The following TCERG1L variants were observed in gnomAD, a reference collection of about 807,000 sequenced individuals.
TCERG1L encodes transcription elongation regulator 1 like, also known as transcription elongation regulator 1-like protein.
TCERG1L carries 37 observed loss-of-function variants against 56.3 expected under a neutral mutation model. That is an observed-to-expected ratio of 0.66 (90% confidence interval 0.51 to 0.87). The LOEUF is 0.87. Ranked by LOEUF, TCERG1L falls within the 40% of genes least tolerant of loss-of-function variation. The probability of loss-of-function intolerance (pLI) is 0.00; values close to 1 mark genes in which losing one functional copy is unlikely to be tolerated. For synonymous variants in TCERG1L, 324 were observed against 326.3 expected, an observed-to-expected ratio of 0.99 and a Z score of 0.08; for missense variants, 799 against 774.2, an observed-to-expected ratio of 1.03 and a Z score of -0.38.
intron 8 of TCERG1L, among the ~76,000 whole-genome samples, chr10:131,124,817 C>G (rs1294691039): frequency 6.6e-6 from 1 of 152,244 alleles, no homozygotes; most frequent in African/African-American, 2.4e-5. Context: ...AGCTCGGAAC[C>G]TGGGCTTTCC....
Position 131,260,405 on chromosome 10 carries a change from G to A in TCERG1L, c.710C>T (p.Ala237Val). 1 of 1,471,268 alleles carries A rather than the reference G, an allele frequency of 6.8e-7. No individual in the cohort carries two copies. The highest frequency in any genetic ancestry group is 8.9e-7 in the Non-Finnish European group (1 of 1,120,108). 91.1% of individuals were successfully genotyped at this position (1,471,268 alleles called of 1,614,324 possible). ...HNSLKVTSSPAIAIATAAAAA... is the reference protein window; with the variant it reads ...HNSLKVTSSPVIAIATAAAAA... ...GGCGGCGGCGGTGGCGATGGCAATG[G>A]CGGGGCTGCTGGTCACCTTAAGGCT... The change falls in exon 4 of 12, where the codon GCC becomes GTC. Residue 237 changes from alanine to valine, a missense_variant. Transcript: ENST00000368642. This position sits in a 1 kb window ranked among gnomAD's most constrained non-coding sequence, Gnocchi z 5.8.
intron 9 of TCERG1L, among the ~76,000 whole-genome samples, chr10:131,105,293 G>A (rs1212507611): frequency 5.3e-5 from 8 of 152,148 alleles, no homozygotes; most frequent in Middle Eastern, 3.2e-3. Flanking sequence ...GGCCGTGGTC[G>A]GCTGGCTGAG....
intron 3 of TCERG1L, among the ~76,000 whole-genome samples, chr10:131,292,014 C>T (rs946357565): frequency 6.6e-6 from 1 of 152,256 alleles, no homozygotes; most frequent in South Asian, 2.1e-4. Context: ...ATTTGTTGGT[C>T]TTTTAATTCT....
chr10:131,283,102 C>T (rs1287013996), intron 3 of TCERG1L, among the ~76,000 whole-genome samples: 1 of 152,196 alleles, frequency 6.6e-6, no homozygotes, highest in Non-Finnish European at 1.5e-5. Flanking sequence ...ACGTAGGCTA[C>T]AGAAGCTGAA....
intron 3 of TCERG1L, among the ~76,000 whole-genome samples, chr10:131,265,412 T>C (rs889178200): frequency 6.6e-6 from 1 of 152,194 alleles, no homozygotes; most frequent in African/African-American, 2.4e-5. Flanking sequence ...GTTAATCATA[T>C]CAACAGAATG....
chr10:131,246,096 C>G (rs1191788466), intron 4 of TCERG1L, among the ~76,000 whole-genome samples: 3 of 152,168 alleles, frequency 2.0e-5, no homozygotes, highest in Non-Finnish European at 4.4e-5. Flanking sequence ...CTTGGTTGGG[C>G]ACCTCCTGGC....
intron 4 of TCERG1L, among the ~76,000 whole-genome samples, chr10:131,239,953 T>A (rs149568022): frequency 1.4e-4 from 21 of 152,286 alleles, no homozygotes; most frequent in African/African-American, 4.8e-4. Context: ...GGAGCCACTT[T>A]TGTCTGTGGG....
At chr10:131,143,058 A>G (rs1375914185) in intron 7 of TCERG1L, among the ~76,000 whole-genome samples, 3 of 152,164 alleles carry the variant, frequency 2.0e-5, no homozygotes, top group African/African-American at 7.2e-5. Context: ...CCCTAGGAAG[A>G]ACACAGCCCT....
intron 4 of TCERG1L, among the ~76,000 whole-genome samples, chr10:131,175,907 A>G (rs547931023): frequency 4.6e-4 from 70 of 152,330 alleles, no homozygotes; most frequent in African/African-American, 1.5e-3. Context: ...GTAGAGATTC[A>G]TGTGAACTTG....
At chr10:131,277,556 C>T (rs1392412590) in intron 3 of TCERG1L, among the ~76,000 whole-genome samples, 1 of 152,216 alleles carries the variant, frequency 6.6e-6, no homozygotes, top group Non-Finnish European at 1.5e-5. Context: ...GTTTTTGGAA[C>T]CCTCCCAGAC....
intron 10 of TCERG1L, among the ~76,000 whole-genome samples, chr10:131,102,850 C>T (rs916812399): frequency 3.9e-5 from 6 of 152,118 alleles, no homozygotes; most frequent in Admixed American, 1.3e-4. Context: ...GTCAGACCAT[C>T]GGTCCCTCTC....
At chr10:131,189,571 G>A (rs753462372) in intron 4 of TCERG1L, among the ~76,000 whole-genome samples, 9 of 151,792 alleles carry the variant, frequency 5.9e-5, no homozygotes, top group Non-Finnish European at 1.2e-4. Flanking sequence ...TTCCTTTATC[G>A]TATCTTCCAT....
chr10:131,270,035 T>C (rs1262631848), intron 3 of TCERG1L, among the ~76,000 whole-genome samples: 1 of 152,164 alleles, frequency 6.6e-6, no homozygotes, highest in Admixed American at 6.5e-5. Context: ...CTGATAAACA[T>C]GCAACGGTAA....
At chr10:131,269,715 AAAACTTTG>A (rs1198373034) in intron 3 of TCERG1L, among the ~76,000 whole-genome samples, 1 of 152,236 alleles carries the variant, frequency 6.6e-6, no homozygotes, top group African/African-American at 2.4e-5. Flanking sequence ...ACAATACTTA[AAAACTTTG>A]AAACACTGAG....
intron 9 of TCERG1L, among the ~76,000 whole-genome samples, chr10:131,108,433 G>C: frequency 9.1e-6 from 1 of 109,356 alleles, no homozygotes; most frequent in Non-Finnish European, 2.1e-5. Context: ...CTTCCTGTCT[G>C]TGGGGAATAA....
rs1845212398 is a variant in TCERG1L, at chr10:131,093,877, T to TG, written c.1605-560dup. ...AGTGGTGATCTTGTTAAACCTCACTTGCGGAACTGGACTCCCACATTCGAA... is the reference window on the plus strand; with the variant it reads ...AGTGGTGATCTTGTTAAACCTCACTTGGCGGAACTGGACTCCCACATTCGAA... On this transcript the variant is annotated intron_variant, in intron 11 of 11. Coordinates refer to ENST00000368642, the MANE Select transcript of TCERG1L (RefSeq NM_174937.4). Among the ~76,000 whole-genome samples, 9 of 152,278 alleles carry TG rather than the reference T, an allele frequency of 5.9e-5. No individual in the cohort carries two copies. In the South Asian group the frequency reaches 1.9e-3, roughly 32 times the overall value.
chr10:131,198,110 T>G (rs928310214), intron 4 of TCERG1L, among the ~76,000 whole-genome samples: 2 of 152,238 alleles, frequency 1.3e-5, no homozygotes, highest in Non-Finnish European at 2.9e-5. Context: ...GACATGCCCA[T>G]GGGTGCAGCG....
At chr10:131,279,881 C>T (rs1028702628) in intron 3 of TCERG1L, among the ~76,000 whole-genome samples, 4 of 152,162 alleles carry the variant, frequency 2.6e-5, no homozygotes, top group African/African-American at 9.7e-5. Flanking sequence ...TCCAGCTACT[C>T]TCTCGGGGGC....
chr10:131,282,649 G>A (rs996747727), intron 3 of TCERG1L, among the ~76,000 whole-genome samples: 1 of 152,082 alleles, frequency 6.6e-6, no homozygotes, highest in Non-Finnish European at 1.5e-5. Context: ...TATCCCCCCA[G>A]CACATATACC....
Sources: allele counts gnomAD v4.1 joint callset (sites outside exome capture counted in the v4.1 genomes callset), GRCh38; gene constraint gnomAD v4.1.1; non-coding constraint Gnocchi (gnomAD v3.1); transcripts MANE v1.5; gene names NCBI Gene and HGNC (gene_info 2026-07-23, HGNC 2026-07-21).